Variants in TENM3 observed in about 807,000 individuals in gnomAD.
The protein encoded by TENM3 is teneurin-3.
TENM3 carries 63 observed loss-of-function variants against 255.1 expected under a neutral mutation model. That is an observed-to-expected ratio of 0.25 (90% CI 0.20 to 0.30). TENM3 has a LOEUF of 0.30. Among genes scored for constraint, TENM3 ranks in the 10% least tolerant of loss-of-function variants. TENM3 has a pLI of 1.00. For missense variants in TENM3, 2,929 were observed against 3,461.1 expected (o/e 0.85, Z 3.86); for synonymous variants, 1,306 against 1,322.3 (o/e 0.99, Z 0.27).
intron 22 of TENM3, among the ~76,000 whole-genome samples, chr4:182,767,193 G>A (rs1165794852): frequency 1.3e-5 from 2 of 152,124 alleles, no homozygotes; most frequent in Admixed American, 1.3e-4. Context: ...TAAACCATAG[G>A]TTCCTTCTCA....
At chr4:181,725,183 CTT>C in the TENM3 span, among the ~76,000 whole-genome samples, 1 of 152,166 alleles carries the variant, frequency 6.6e-6, no homozygotes, top group Non-Finnish European at 1.5e-5. Flanking sequence ...TACTGCCCAT[CTT>C]TTGCTTTTTA....
intron 1 of TENM3, among the ~76,000 whole-genome samples, chr4:182,309,208 A>G (rs533381665): frequency 2.6e-5 from 4 of 152,312 alleles, no homozygotes; most frequent in African/African-American, 7.2e-5. Context: ...GACAGATGCC[A>G]TGTTGACGGA....
chr4:182,748,930 A>G (rs1267799933), intron 19 of TENM3, among the ~76,000 whole-genome samples: 1 of 152,212 alleles, frequency 6.6e-6, no homozygotes, highest in Non-Finnish European at 1.5e-5. Flanking sequence ...TCTTCTAGGA[A>G]GGAGATGCTT....
At chr4:182,537,201 C>T (rs1204910410) in intron 3 of TENM3, among the ~76,000 whole-genome samples, 4 of 152,278 alleles carry the variant, frequency 2.6e-5, no homozygotes, top group East Asian at 1.9e-4. Context: ...TGCATTCTCT[C>T]GTCATCCTGT....
chr4:181,567,066 G>A, the TENM3 span, among the ~76,000 whole-genome samples: 1 of 152,156 alleles, frequency 6.6e-6, no homozygotes, highest in African/African-American at 2.4e-5. Context: ...GTTGGAATAT[G>A]AGGGATTCGT....
At chr4:182,031,960 G>A in the TENM3 span, among the ~76,000 whole-genome samples, 7 of 152,238 alleles carry the variant, frequency 4.6e-5, no homozygotes, top group Admixed American at 6.5e-5. Context: ...GGGCTCAGAC[G>A]ATGGGGTTTT....
At chr4:182,611,812 C>CA (rs1581098361) in intron 4 of TENM3, among the ~76,000 whole-genome samples, 1 of 152,026 alleles carries the variant, frequency 6.6e-6, no homozygotes, top group East Asian at 1.9e-4. Flanking sequence ...TTAATTTTTT[C>CA]AAAAATATAT....
the TENM3 span, among the ~76,000 whole-genome samples, chr4:182,138,548 G>A: frequency 8.5e-5 from 13 of 152,092 alleles, no homozygotes; most frequent in Admixed American, 7.9e-4. Context: ...AACAAAGATT[G>A]TTTCCCCAAT....
the TENM3 span, among the ~76,000 whole-genome samples, chr4:181,631,419 A>G: frequency 2.6e-5 from 4 of 152,038 alleles, no homozygotes; most frequent in East Asian, 7.7e-4. Flanking sequence ...CCTACTGAGT[A>G]GCTGAGATTA....
the TENM3 span, among the ~76,000 whole-genome samples, chr4:181,589,681 T>C: frequency 1.3e-5 from 2 of 152,180 alleles, no homozygotes; most frequent in Non-Finnish European, 2.9e-5. Flanking sequence ...CACAGGAGCC[T>C]TCATAAGGAA....
chr4:181,720,934 A>G, the TENM3 span, among the ~76,000 whole-genome samples: 1 of 152,156 alleles, frequency 6.6e-6, no homozygotes, highest in Non-Finnish European at 1.5e-5. Context: ...TGGGATGACC[A>G]TGAAGTGAGG....
the TENM3 span, among the ~76,000 whole-genome samples, chr4:181,723,512 G>A: frequency 6.6e-6 from 1 of 151,786 alleles, no homozygotes; most frequent in South Asian, 2.1e-4. Flanking sequence ...CCCAGTTGAT[G>A]GATCATTTAG....
At chr4:182,346,997 G>GC (rs1302850382) in intron 3 of TENM3, 68 bp downstream of exon 3, 18 of 1,146,862 alleles carry the variant, frequency 1.6e-5, no homozygotes, top group South Asian at 3.7e-5. Context: ...TGACTCCGCG[G>GC]GGGGGGATGT....
intron 4 of TENM3, among the ~76,000 whole-genome samples, chr4:182,617,348 C>G (rs1463442081): frequency 6.6e-6 from 1 of 152,092 alleles, no homozygotes; most frequent in African/African-American, 2.4e-5. Context: ...CTAGGCAAAC[C>G]GTCCATTGTC....
the TENM3 span, among the ~76,000 whole-genome samples, chr4:181,662,793 A>C: frequency 6.6e-6 from 1 of 152,222 alleles, no homozygotes; most frequent in Non-Finnish European, 1.5e-5. Context: ...AATTTATTCT[A>C]AGAGGGCTTT....
the TENM3 span, among the ~76,000 whole-genome samples, chr4:181,992,321 C>T: frequency 5.9e-5 from 9 of 152,078 alleles, no homozygotes; most frequent in South Asian, 4.1e-4. Context: ...ATAATGGATG[C>T]GTTCTCTCAT....
chr4:182,109,306 T>G, the TENM3 span, among the ~76,000 whole-genome samples: 1 of 149,514 alleles, frequency 6.7e-6, no homozygotes, highest in Non-Finnish European at 1.5e-5. Context: ...TGCCATAATT[T>G]ATAATCACTA....
intron 12 of TENM3, among the ~76,000 whole-genome samples, chr4:182,689,589 C>T (rs1756859307): frequency 6.6e-6 from 1 of 152,216 alleles, no homozygotes; most frequent in African/African-American, 2.4e-5. Flanking sequence ...AGAAAAAAGA[C>T]ACATCCGGCA....
the TENM3 span, among the ~76,000 whole-genome samples, chr4:181,483,056 A>G: frequency 4.6e-5 from 7 of 152,296 alleles, no homozygotes; most frequent in East Asian, 1.4e-3. Context: ...ATTAAAATGT[A>G]AAACTACAGC....
Sources: allele counts gnomAD v4.1 joint callset (sites outside exome capture counted in the v4.1 genomes callset), GRCh38; gene constraint gnomAD v4.1.1; transcripts MANE v1.5; gene names NCBI Gene and HGNC (gene_info 2026-07-23, HGNC 2026-07-21).